TAB1: variants seen among roughly 807,000 people sequenced by gnomAD.
TAB1 encodes the protein TGF-beta activated kinase 1 (MAP3K7) binding protein 1.
TAB1 carries 30 observed loss-of-function variants against 54.5 expected under a neutral mutation model. The ratio of observed to expected loss-of-function variants is 0.55; its 90% CI spans 0.41 to 0.75. The LOEUF is 0.75. Ranked by LOEUF, TAB1 falls within the 30% of genes least tolerant of loss-of-function variation. The pLI is 0.00. For missense variants in TAB1, 609 were observed against 683.2 expected, an observed-to-expected ratio of 0.89 and a Z score of 1.21; for synonymous variants, 289 against 286.9, an observed-to-expected ratio of 1.01 and a Z score of -0.07.
intron 5 of TAB1, among the ~76,000 whole-genome samples, chr22:39,418,082 C>A (rs529731773): frequency 6.6e-6 from 1 of 152,226 alleles, no homozygotes; most frequent in Non-Finnish European, 1.5e-5. Context: ...TGCTTCTTAA[C>A]TCATTCTGGA....
In TAB1 at chr22:39,418,792, A is replaced by C; in HGVS notation, c.611A>C (p.Asn204Thr). The C allele has an allele frequency of 6.2e-7, 1 of 1,614,210 alleles. No individual in the cohort carries two copies. The highest frequency in any genetic ancestry group is 8.5e-7 in the Non-Finnish European group (1 of 1,180,032). ...TVDGLQVTQL[N>T]VDHTTENEDE... The stretch of plus-strand genomic sequence containing the variant: ...GATGGGTTGCAGGTGACACAGCTGA[A>C]CGTGGACCACACCACAGAGAACGAG... The change falls in exon 6 of 11, where the codon AAC (asparagine) becomes ACC (threonine). Residue 204 changes from asparagine to threonine, a missense_variant. Transcript: ENST00000216160.
Position 39,431,531 on chromosome 22 carries a change from G to C in TAB1, c.*1309G>C. On this transcript the variant is annotated 3_prime_UTR_variant, in exon 11 of 11. Coordinates refer to ENST00000216160, the MANE Select transcript of TAB1 (RefSeq NM_006116.3). ...ACTAGCCGCTGTCGCACAGCCTCTG[G>C]GGTGCTTGGTCTCTGCGAAGTCAAA... 1.0e-6 allele frequency: 1 copy of C among 985,550 alleles called. No homozygotes were observed. The highest frequency in any genetic ancestry group is 1.2e-6 in the Non-Finnish European group (1 of 829,996). The allele number at this position is 985,550 out of a possible 1,614,324, so 61.1% of individuals were successfully genotyped here. A position where few individuals can be genotyped will look rare whatever the true frequency, so the allele number is the denominator to read the frequency against.
At chr22:39,402,228 G>C (rs142648549) in intron 1 of TAB1, among the ~76,000 whole-genome samples, 9 of 152,274 alleles carry the variant, frequency 5.9e-5, no homozygotes, top group African/African-American at 1.9e-4. Flanking sequence ...TGTTGCCCAG[G>C]CTGGTCTAGA....
At chr22:39,402,830 G>A (rs1445438393) in intron 1 of TAB1, among the ~76,000 whole-genome samples, 1 of 152,224 alleles carries the variant, frequency 6.6e-6, no homozygotes, top group Admixed American at 6.5e-5. Context: ...AGGATTACAG[G>A]TGTGAGCCAC....
intron 8 of TAB1, 141 bp downstream of exon 8, chr22:39,422,112 C>A: frequency 1.1e-6 from 1 of 876,528 alleles, no homozygotes; most frequent in Non-Finnish European, 1.6e-6. Context: ...AAGGAGAATC[C>A]CAGAGCTCTG....
chr22:39,415,490 C>T lies in TAB1; in HGVS notation c.171-10C>T, dbSNP rs1427383742. The T allele has an allele frequency of 6.2e-7, 1 of 1,611,710 alleles. No homozygotes were observed. Among genetic ancestry groups the T allele is most frequent in the Admixed American group, 1.7e-5 (1 of 59,990 alleles). On this transcript the variant is annotated splice_polypyrimidine_tract_variant and intron_variant, in intron 2 of 10. Transcript: ENST00000216160. The surrounding 1 kb of genome is among the most constrained non-coding windows in gnomAD (Gnocchi z 4.9). Reference sequence around the variant, plus strand: ...GTCTCAGGCCTCCCTCTGCCCTCTCCCTCTTCCAGGAGTGAGAACAACTGC... The same window carrying T: ...GTCTCAGGCCTCCCTCTGCCCTCTCTCTCTTCCAGGAGTGAGAACAACTGC...
chr22:39,425,527 G>T (rs1927282752), intron 8 of TAB1, among the ~76,000 whole-genome samples: 1 of 152,044 alleles, frequency 6.6e-6, no homozygotes, highest in Admixed American at 6.6e-5. Context: ...ATGATGTTCA[G>T]TAGATTAGGT....
intron 1 of TAB1, among the ~76,000 whole-genome samples, chr22:39,400,700 C>G (rs1004513053): frequency 6.6e-6 from 1 of 152,186 alleles, no homozygotes; most frequent in South Asian, 2.1e-4. Context: ...CTATGCATGG[C>G]ACTGTTAGAA....
chr22:39,428,143 A>T lies in TAB1; in HGVS notation c.1267A>T (p.Ser423Cys), dbSNP rs745615470. Reference protein sequence around the residue: ...SQGQMVNGAHSASTLDEATPT... With the variant: ...SQGQMVNGAHCASTLDEATPT... ...GGGCCAGATGGTCAACGGGGCTCAC[A>T]GTGCTTCCACCCTGGACGAAGCCAC... Residue 423 changes from serine to cysteine, a missense_variant, in exon 10 of 11, where the codon AGT becomes TGT. Transcript: ENST00000216160. The T allele has an allele frequency of 1.2e-6, 2 of 1,613,344 alleles. No individual in the cohort carries two copies. Among genetic ancestry groups the T allele is most frequent in the Non-Finnish European group, 1.7e-6 (2 of 1,179,544 alleles).
intron 1 of TAB1, among the ~76,000 whole-genome samples, chr22:39,406,194 T>G (rs1009540428): frequency 1.3e-5 from 2 of 151,772 alleles, no homozygotes; most frequent in African/African-American, 4.8e-5. Context: ...GGTCAGGAGT[T>G]CAAGACCAGC....
rs753919923 is a variant in TAB1, at chr22:39,415,173, C to T, written c.170+31C>T. 3.4e-5 allele frequency: 52 copies of T among 1,543,212 alleles called. No individual in the cohort carries two copies. The highest frequency in any genetic ancestry group is 4.1e-5 in the African/African-American group (3 of 72,816). ...TGTGCCAGCATTTCTGTGTTGGGCC[C>T]GGGGAGTTGGTTGGTTTGCAAGCAA... On this transcript the variant is annotated intron_variant, in intron 2 of 10. Transcript: ENST00000216160. The surrounding 1 kb of genome is among the most constrained non-coding windows in gnomAD (Gnocchi z 4.9).
rs777738058 is a variant in TAB1 at position 39,421,950 on chromosome 22, T to A, written c.900T>A (p.His300Gln). Residue 300 changes from histidine to glutamine, a missense_variant, in exon 8 of 11, where the codon CAT (histidine) becomes CAA (glutamine). By Grantham distance (24) the His-to-Gln change is conservative. Transcript: ENST00000216160. ...TGTACAAGGCCCTAGAGGCAGCCCA[T>A]GGGCCTGGGCAGGCCAACCAGGTGA... ...EGLYKALEAA[H>Q]GPGQANQEIA... 6.4e-7 allele frequency: 1 copy of A among 1,573,360 alleles called. No homozygotes were observed. The highest frequency in any genetic ancestry group is 2.3e-5 in the East Asian group (1 of 43,686).
downstream of TAB1, chr22:39,431,974 C>A: frequency 1.4e-6 from 1 of 706,552 alleles, no homozygotes; most frequent in Non-Finnish European, 1.7e-6. Context: ...AAGAACTCGG[C>A]TCGCCAGGCT....
chr22:39,417,027 G>T, intron 4 of TAB1, 150 bp downstream of exon 4: 1 of 724,258 alleles, frequency 1.4e-6, no homozygotes, highest in Non-Finnish European at 2.4e-6. Context: ...GTGGCCACAG[G>T]TGAGGGACCT....
At chr22:39,409,327 C>T (rs533634467) in intron 1 of TAB1, among the ~76,000 whole-genome samples, 4 of 152,272 alleles carry the variant, frequency 2.6e-5, no homozygotes, top group Admixed American at 2.0e-4. Context: ...TTTGTGAGCT[C>T]GCTGGAAATG....
intron 8 of TAB1, among the ~76,000 whole-genome samples, chr22:39,424,865 C>A (rs552774955): frequency 9.9e-5 from 15 of 152,202 alleles, no homozygotes; most frequent in African/African-American, 3.6e-4. Flanking sequence ...CCACGGAGTT[C>A]AGGTTCTTGC....
downstream of TAB1, among the ~76,000 whole-genome samples, chr22:39,436,185 C>T (rs772774974): frequency 2.6e-5 from 4 of 152,022 alleles, no homozygotes; most frequent in Non-Finnish European, 5.9e-5. Context: ...CCCAGCTACT[C>T]AGGAGGCTGA....
chr22:39,416,027 G>A (rs1176141486), intron 3 of TAB1, among the ~76,000 whole-genome samples: 8 of 152,182 alleles, frequency 5.3e-5, no homozygotes, highest in South Asian at 2.1e-4. Context: ...ATCCCTGGGC[G>A]TCCAGGAAGG....
chr22:39,412,797 C>T lies in TAB1; in HGVS notation c.34-2209C>T, dbSNP rs113333427. ...ACAATAACTTTTAAGAAGTTGCACA[C>T]AGTATCTGTGTGTGTTTTATTTCTT... is the stretch of plus-strand genomic sequence containing the variant. On this transcript the variant is annotated intron_variant, in intron 1 of 10. Coordinates refer to ENST00000216160, the MANE Select transcript of TAB1 (RefSeq NM_006116.3). 2.7e-3 allele frequency among the ~76,000 whole-genome samples: 416 copies of T among 151,662 alleles called. 3 individuals carry two copies. Among genetic ancestry groups the T allele is most frequent in the African/African-American group, 9.6e-3 (398 of 41,340 alleles).
Sources: gnomAD v4.1 joint callset for allele counts (sites outside exome capture counted in the v4.1 genomes callset) on GRCh38, gnomAD v4.1.1 for gene constraint, Gnocchi (gnomAD v3.1) non-coding constraint, MANE v1.5 for transcripts, NCBI Gene and HGNC (gene_info 2026-07-23, HGNC 2026-07-21) for gene names.